The following TMEM114 variants were observed in gnomAD, a reference collection of about 807,000 sequenced individuals.
TMEM114 encodes the protein claudin-26.
Under a neutral mutation model 6.2 loss-of-function variants are expected in TMEM114, and 6 were observed. The observed-to-expected ratio is 0.97, with a 90% confidence interval of 0.53 to 1.91. TMEM114 has a LOEUF of 1.91. Ranked by LOEUF, TMEM114 falls within the 40% of genes most tolerant of loss-of-function variation. TMEM114 has a pLI of 0.01. For missense variants in TMEM114, 218 were observed against 158.3 expected, an observed-to-expected ratio of 1.38 and a Z score of -2.02; for synonymous variants, 104 against 73.0, an observed-to-expected ratio of 1.42 and a Z score of -2.16.
chr16:8,581,522 C>T (rs976229489), intron 2 of TMEM114, among the ~76,000 whole-genome samples: 10 of 151,664 alleles, frequency 6.6e-5, no homozygotes, highest in Admixed American at 2.0e-4. Context: ...GGTGTGATCT[C>T]GGCCCACTGA....
intron 2 of TMEM114, among the ~76,000 whole-genome samples, chr16:8,575,559 C>G (rs1429301223): frequency 6.6e-6 from 1 of 152,190 alleles, no homozygotes; most frequent in African/African-American, 2.4e-5. Context: ...AACAATGATG[C>G]AACACCTGCC....
the TMEM114 span, among the ~76,000 whole-genome samples, chr16:8,527,673 T>C: frequency 6.6e-6 from 1 of 152,126 alleles, no homozygotes; most frequent in Admixed American, 6.6e-5. Flanking sequence ...GGGTGGTAGT[T>C]TTGGGCCCCA....
At chr16:8,558,259 GA>G (rs558679156) in intron 2 of TMEM114, among the ~76,000 whole-genome samples, 1 of 151,710 alleles carries the variant, frequency 6.6e-6, no homozygotes, top group Non-Finnish European at 1.5e-5. Context: ...AAAAGAAAAA[GA>G]AAAAAAACAA....
At chr16:8,584,139 A>G (rs1432594278) in intron 2 of TMEM114, among the ~76,000 whole-genome samples, 5 of 152,242 alleles carry the variant, frequency 3.3e-5, no homozygotes, top group Admixed American at 1.3e-4. Context: ...CCCAAACAGA[A>G]GAAAGCAAAG....
chr16:8,564,801 ATGAG>A (rs1376339943), downstream of TMEM114, among the ~76,000 whole-genome samples: 7 of 130,642 alleles, frequency 5.4e-5, no homozygotes, highest in Admixed American at 7.6e-5. Flanking sequence ...TAGTGAGTAA[ATGAG>A]TGAGTGAATG....
At chr16:8,566,226 C>G (rs1191901586), downstream of TMEM114, among the ~76,000 whole-genome samples, 1 of 152,024 alleles carries the variant, frequency 6.6e-6, no homozygotes, top group Non-Finnish European at 1.5e-5. Context: ...AAAAATTAGC[C>G]AGGCATGGTG....
intron 2 of TMEM114, chr16:8,537,880 A>G (rs1319625458): frequency 6.6e-6 from 1 of 152,150 alleles, no homozygotes; most frequent in Non-Finnish European, 1.5e-5. Flanking sequence ...CACCTCCAAG[A>G]TATGTATAAG....
chr16:8,550,685 CAAAAAAAAA>C (rs1218385833), intron 2 of TMEM114, among the ~76,000 whole-genome samples: 39 of 42,600 alleles, frequency 9.2e-4, no homozygotes, highest in African/African-American at 3.6e-3. Flanking sequence ...TCAAAAAAAA[CAAAAAAAAA>C]AAAACCAAAA....
chr16:8,554,328 G>A (rs1900939558), intron 2 of TMEM114, among the ~76,000 whole-genome samples: 1 of 152,098 alleles, frequency 6.6e-6, no homozygotes, highest in South Asian at 2.1e-4. Flanking sequence ...GGCCAAGGCA[G>A]GAGCATCGCT....
chr16:8,567,450 G>C (rs1211274347), downstream of TMEM114, among the ~76,000 whole-genome samples: 2 of 152,218 alleles, frequency 1.3e-5, no homozygotes, highest in Non-Finnish European at 2.9e-5. Flanking sequence ...TGTGTTGTCA[G>C]TTCCTGAGGT....
chr16:8,566,589 AC>A (rs1375421329), downstream of TMEM114, among the ~76,000 whole-genome samples: 2 of 152,040 alleles, frequency 1.3e-5, no homozygotes, highest in Non-Finnish European at 2.9e-5. Context: ...CAGCATCCCA[AC>A]CCCACTTAAT....
At chr16:8,548,619 C>A (rs1484885863) in intron 2 of TMEM114, among the ~76,000 whole-genome samples, 1 of 150,870 alleles carries the variant, frequency 6.6e-6, no homozygotes, top group African/African-American at 2.5e-5. Flanking sequence ...AGCAAATTAT[C>A]TGAGCAGAGA....
chr16:8,585,561 A>G (rs1902292142), intron 2 of TMEM114, among the ~76,000 whole-genome samples: 1 of 152,124 alleles, frequency 6.6e-6, no homozygotes, highest in Non-Finnish European at 1.5e-5. Context: ...GGAATGAAAC[A>G]TCTTCATATA....
downstream of TMEM114, among the ~76,000 whole-genome samples, chr16:8,568,882 G>A (rs1248668894): frequency 6.6e-6 from 1 of 152,218 alleles, no homozygotes; most frequent in Non-Finnish European, 1.5e-5. Flanking sequence ...GTGATTCTAA[G>A]AGCAGCAAGA....
chr16:8,536,679 T>G (rs1900370182), downstream of TMEM114, among the ~76,000 whole-genome samples: 1 of 152,148 alleles, frequency 6.6e-6, no homozygotes, highest in African/African-American at 2.4e-5. Flanking sequence ...TTTGTTTGTT[T>G]GTTTGTTTGT....
intron 2 of TMEM114, among the ~76,000 whole-genome samples, chr16:8,563,341 G>GTGAGTGAGTGAA (rs1901355229): frequency 6.6e-6 from 1 of 150,908 alleles, no homozygotes; most frequent in African/African-American, 2.5e-5. Context: ...GAGTGAATGA[G>GTGAGTGAGTGAA]TGAGTAAATG....
In TMEM114 at chr16:8,549,597, C is replaced by T. The variant is rs906594586; in HGVS notation, n.213-11771G>A. Among the ~76,000 whole-genome samples the T allele has an allele frequency of 1.1e-4, 16 of 151,794 alleles. No homozygotes were observed. In the East Asian group the frequency reaches 1.2e-3, roughly 11 times the overall value. ...ACATACATTCTGTTTAAAGTTCAAC[C>T]TTTTATTCCAAGATATCATGTTTTC... On this transcript the variant is annotated intron_variant and non_coding_transcript_variant, in intron 2 of 2. Coordinates refer to the TMEM114 transcript ENST00000623677.
intron 2 of TMEM114, among the ~76,000 whole-genome samples, chr16:8,549,778 C>A (rs900063474): frequency 6.6e-6 from 1 of 152,056 alleles, no homozygotes; most frequent in Non-Finnish European, 1.5e-5. Context: ...GAACTTCTAC[C>A]TGTATTAGTC....
At chr16:8,558,087 C>G (rs12926072) in intron 2 of TMEM114, among the ~76,000 whole-genome samples, 1 of 152,166 alleles carries the variant, frequency 6.6e-6, no homozygotes, top group South Asian at 2.1e-4. Context: ...AACCCCATCT[C>G]TACTAAAAAT....
Sources: gnomAD v4.1 joint callset for allele counts (sites outside exome capture counted in the v4.1 genomes callset) on GRCh38, gnomAD v4.1.1 for gene constraint, MANE v1.5 for transcripts, NCBI Gene and HGNC (gene_info 2026-07-23, HGNC 2026-07-21) for gene names.